Variants in GRK5 observed in about 807,000 individuals in gnomAD.
GRK5 encodes the protein g protein-coupled receptor kinase GRK5.
GRK5 carries 40 observed loss-of-function variants against 78.4 expected under a neutral mutation model. The observed-to-expected ratio is 0.51, with a 90% CI of 0.40 to 0.66. The LOEUF (loss-of-function observed/expected upper bound fraction) is 0.66. GRK5 is among the 30% of genes least tolerant of loss of function. The pLI is 0.00. For synonymous variants in GRK5, 289 were observed against 296.8 expected (o/e 0.97, Z 0.27); for missense variants, 598 against 759.9 (o/e 0.79, Z 2.50).
intron 2 of GRK5, among the ~76,000 whole-genome samples, chr10:119,337,310 C>G (rs931797274): frequency 6.6e-6 from 1 of 152,172 alleles, no homozygotes; most frequent in African/African-American, 2.4e-5. Context: ...AAGGCAGGCT[C>G]TCTCCCCTAC....
intron 2 of GRK5, among the ~76,000 whole-genome samples, chr10:119,349,236 C>T (rs758042618): frequency 1.3e-4 from 20 of 152,088 alleles, no homozygotes; most frequent in South Asian, 2.1e-4. Context: ...GATTTGCAGT[C>T]GGTCAAGCCT....
chr10:119,384,123 C>T (rs1197019298), intron 3 of GRK5, among the ~76,000 whole-genome samples: 1 of 152,212 alleles, frequency 6.6e-6, no homozygotes, highest in Non-Finnish European at 1.5e-5. Context: ...GCGTTTCTGA[C>T]TTGCCAGGAC....
intron 3 of GRK5, among the ~76,000 whole-genome samples, chr10:119,383,916 C>T (rs1851752317): frequency 6.6e-6 from 1 of 152,210 alleles, no homozygotes; most frequent in Non-Finnish European, 1.5e-5. Context: ...TCGATTCTAG[C>T]ACCTATTGGC....
chr10:119,369,409 GCCACA>G (rs1564908000), intron 2 of GRK5, among the ~76,000 whole-genome samples: 2 of 152,204 alleles, frequency 1.3e-5, no homozygotes, highest in African/African-American at 2.4e-5. Context: ...GGAAGGTCCC[GCCACA>G]GGCCACGCAG....
chr10:119,386,433 C>T (rs929220670), intron 3 of GRK5, among the ~76,000 whole-genome samples: 2 of 152,272 alleles, frequency 1.3e-5, no homozygotes, highest in African/African-American at 2.4e-5. Flanking sequence ...TTTTGTTAGA[C>T]ACTTACAGTC....
At chr10:119,293,279 G>A (rs960416228) in intron 1 of GRK5, among the ~76,000 whole-genome samples, 2 of 152,184 alleles carry the variant, frequency 1.3e-5, no homozygotes, top group African/African-American at 2.4e-5. Flanking sequence ...CAGCACTTTG[G>A]GAGGCTGAGG....
intron 2 of GRK5, among the ~76,000 whole-genome samples, chr10:119,344,749 T>A (rs1213496225): frequency 6.6e-6 from 1 of 152,172 alleles, no homozygotes. Flanking sequence ...CGGCTTATGT[T>A]GGTGAGAAGT....
Position 119,207,980 on chromosome 10 carries a change from G to C in GRK5, c.52+11G>C. On this transcript the variant is annotated intron_variant, in intron 1 of 15. Transcript: ENST00000392870. ...TGAAAGCCAGGGAAGGTAAGAGGCA[G>C]GGCCGGTACGTGCCCGGCGCGTCCG... The C allele has an allele frequency of 6.2e-7, 1 of 1,601,982 alleles. No homozygotes were observed. Among genetic ancestry groups the C allele is most frequent in the Non-Finnish European group, 8.5e-7 (1 of 1,175,360 alleles).
chr10:119,318,189 G>A (rs1294178944), intron 1 of GRK5, among the ~76,000 whole-genome samples: 1 of 152,206 alleles, frequency 6.6e-6, no homozygotes, highest in Non-Finnish European at 1.5e-5. Flanking sequence ...AAGAACATTA[G>A]ACTAAGAGTC....
At position 119,290,367 on chromosome 10, in the gene GRK5, A is replaced by AAAAAAC. The variant is rs1554903196; in HGVS notation, c.53-36146_53-36145insAACAAA. The stretch of plus-strand genomic sequence containing the variant: ...GTCTCAAAAAAAAAAAAAAAAACAA[A>AAAAAAC]AAACAACTCTGTCCCCTTCTCCCTG... On this transcript the variant is annotated intron_variant, in intron 1 of 15. Transcript: ENST00000392870. 4.2e-4 allele frequency among the ~76,000 whole-genome samples: 58 copies of AAAAAAC among 137,574 alleles called. 2 individuals carry two copies. The highest frequency in any genetic ancestry group is 4.0e-3 in the Middle Eastern group (1 of 248). The allele number at this position is 137,574 out of a possible 152,430, so 90.3% of individuals were successfully genotyped here.
intron 2 of GRK5, among the ~76,000 whole-genome samples, chr10:119,365,991 G>A (rs1370827620): frequency 6.6e-6 from 1 of 152,200 alleles, no homozygotes; most frequent in Non-Finnish European, 1.5e-5. Flanking sequence ...TCTGTGCCAG[G>A]TTCTATGCTG....
intron 2 of GRK5, among the ~76,000 whole-genome samples, chr10:119,368,994 G>C (rs1851499653): frequency 6.6e-6 from 1 of 152,186 alleles, no homozygotes; most frequent in Non-Finnish European, 1.5e-5. Flanking sequence ...ACAGTGATCT[G>C]TTTGTTGGTT....
chr10:119,458,972 G>A lies in GRK5; in HGVS notation c.*3905G>A, dbSNP rs1456522661. 2 of 152,220 alleles carry A rather than the reference G, an allele frequency of 1.3e-5. No individual in the cohort carries two copies. Among genetic ancestry groups the A allele is most frequent in the Non-Finnish European group, 2.9e-5 (2 of 68,042 alleles). 9.4% of individuals were successfully genotyped at this position (152,220 alleles called of 1,614,324 possible). A position where few individuals can be genotyped will look rare whatever the true frequency, so the allele number is the denominator to read the frequency against. On this transcript the variant is annotated 3_prime_UTR_variant, in exon 16 of 16. Coordinates refer to ENST00000392870, the MANE Select transcript of GRK5 (RefSeq NM_005308.3). ...AGAGGAAACACCTGAGTGACACTCA[G>A]CTGTCCTCTGGGGTCCCCTGGTGTG...
chr10:119,399,191 A>C (rs1343804033), intron 4 of GRK5, among the ~76,000 whole-genome samples: 1 of 152,226 alleles, frequency 6.6e-6, no homozygotes, highest in Non-Finnish European at 1.5e-5. Flanking sequence ...CAATTTAAAA[A>C]ATTTAAGCCA....
intron 2 of GRK5, among the ~76,000 whole-genome samples, chr10:119,352,952 C>A (rs1278864434): frequency 6.6e-6 from 1 of 152,254 alleles, no homozygotes; most frequent in Non-Finnish European, 1.5e-5. Flanking sequence ...CCCTCTCTCT[C>A]CCCTGAGGAC....
chr10:119,247,201 C>A (rs1589700279), intron 1 of GRK5, among the ~76,000 whole-genome samples: 1 of 152,120 alleles, frequency 6.6e-6, no homozygotes, highest in Admixed American at 6.6e-5. Context: ...GAATAAGATA[C>A]GTTTAATAAG....
At chr10:119,284,703 G>A (rs1849817717) in intron 1 of GRK5, among the ~76,000 whole-genome samples, 1 of 152,216 alleles carries the variant, frequency 6.6e-6, no homozygotes, top group African/African-American at 2.4e-5. Context: ...GGTGTGGGAA[G>A]CATGAGGAGG....
chr10:119,345,750 C>T (rs970588503), intron 2 of GRK5, among the ~76,000 whole-genome samples: 3 of 152,126 alleles, frequency 2.0e-5, no homozygotes, highest in Non-Finnish European at 2.9e-5. Context: ...CTTGGGGAAA[C>T]CCAGCAGCAG....
At chr10:119,328,754 G>A (rs1029808881) in intron 2 of GRK5, among the ~76,000 whole-genome samples, 12 of 152,232 alleles carry the variant, frequency 7.9e-5, no homozygotes, top group African/African-American at 2.7e-4. Flanking sequence ...TGTGAGAAGC[G>A]GGCACCTGCG....
Sources: gnomAD v4.1 joint callset for allele counts (sites outside exome capture counted in the v4.1 genomes callset) on GRCh38, gnomAD v4.1.1 for gene constraint, MANE v1.5 for transcripts, NCBI Gene and HGNC (gene_info 2026-07-23, HGNC 2026-07-21) for gene names.